The following MTUS1 variants were observed in gnomAD, a reference collection of about 807,000 sequenced individuals.
MTUS1 encodes microtubule-associated tumor suppressor 1.
A neutral mutation model predicts 120.8 loss-of-function variants in MTUS1; 109 were observed. The observed-to-expected ratio is 0.90, with a 90% CI of 0.77 to 1.06. MTUS1 has a LOEUF of 1.06. Ranked by LOEUF, MTUS1 falls within the 50% of genes least tolerant of loss-of-function variation. The pLI, the probability that MTUS1 is intolerant of heterozygous loss-of-function variation, is 0.00. For missense variants in MTUS1, 2,210 were observed against 1,486.3 expected, an observed-to-expected ratio of 1.49 and a Z score of -8.01; for synonymous variants, 737 against 550.5, an observed-to-expected ratio of 1.34 and a Z score of -4.74.
At chr8:17,731,970 T>G (rs763530408) in intron 3 of MTUS1, among the ~76,000 whole-genome samples, 2 of 152,222 alleles carry the variant, frequency 1.3e-5, no homozygotes, top group Non-Finnish European at 2.9e-5. Context: ...AGATCTGGTC[T>G]GTACCCATCA....
At chr8:17,749,810 A>G (rs2048050227) in intron 2 of MTUS1, among the ~76,000 whole-genome samples, 1 of 152,078 alleles carries the variant, frequency 6.6e-6, no homozygotes. Context: ...TGTCTCCCTA[A>G]AATGTGTAAA....
chr8:17,711,638 A>G (rs1026095121), intron 6 of MTUS1, among the ~76,000 whole-genome samples: 2 of 152,182 alleles, frequency 1.3e-5, no homozygotes, highest in African/African-American at 2.4e-5. Context: ...TGTTCACTAG[A>G]GGAGCACTTT....
intron 14 of MTUS1, 115 bp from the exon 15 acceptor site, chr8:17,646,254 G>T: frequency 8.7e-7 from 1 of 1,153,544 alleles, no homozygotes; most frequent in Non-Finnish European, 1.2e-6. Flanking sequence ...GGATAAAACA[G>T]AATCCTGCAC....
Position 17,771,683 on chromosome 8 carries a change from C to T in MTUS1, c.-154-15722G>A, listed in dbSNP as rs367836581. Among the ~76,000 whole-genome samples the T allele has an allele frequency of 5.9e-5, 9 of 152,338 alleles. No individual in the cohort carries two copies. The East Asian group carries it at 1.5e-3, about 26-fold the overall frequency. ...GGCAGTCTACGCATGAAAACAAACC[C>T]TATGATAGATTCTCTTGAAATTAAA... On this transcript the variant is annotated intron_variant, in intron 1 of 14. Coordinates refer to ENST00000693296, the MANE Select transcript of MTUS1 (RefSeq NM_001363059.2).
chr8:17,696,350 G>A (rs1449903158), intron 6 of MTUS1, among the ~76,000 whole-genome samples: 1 of 152,102 alleles, frequency 6.6e-6, no homozygotes, highest in Non-Finnish European at 1.5e-5. Flanking sequence ...ACCAGGGACA[G>A]AGATGAGCCA....
intron 4 of MTUS1, among the ~76,000 whole-genome samples, chr8:17,720,022 A>G (rs1254554648): frequency 6.6e-6 from 1 of 152,126 alleles, no homozygotes; most frequent in African/African-American, 2.4e-5. Flanking sequence ...AAAGACAAAG[A>G]TAGTCCAACT....
intron 1 of MTUS1, among the ~76,000 whole-genome samples, chr8:17,780,528 C>A (rs2050794688): frequency 6.6e-6 from 1 of 152,264 alleles, no homozygotes; most frequent in African/African-American, 2.4e-5. Flanking sequence ...CATGAATATA[C>A]CTCAAGCCAA....
intron 8 of MTUS1, among the ~76,000 whole-genome samples, chr8:17,666,726 G>A (rs977624848): frequency 1.3e-5 from 2 of 152,218 alleles, no homozygotes; most frequent in East Asian, 1.9e-4. Context: ...TAGGGCCAGA[G>A]GTCAGGAAGA....
intron 3 of MTUS1, among the ~76,000 whole-genome samples, chr8:17,741,599 C>T (rs1169950653): frequency 6.6e-6 from 1 of 152,188 alleles, no homozygotes; most frequent in African/African-American, 2.4e-5. Flanking sequence ...ACACATTATG[C>T]AACACAGAGT....
chr8:17,731,941 G>A (rs927937159), intron 3 of MTUS1, among the ~76,000 whole-genome samples: 9 of 152,152 alleles, frequency 5.9e-5, no homozygotes, highest in African/African-American at 2.2e-4. Context: ...AACCTTTCAT[G>A]CCAGTAGGGG....
chr8:17,775,954 G>A (rs753738771), intron 1 of MTUS1, among the ~76,000 whole-genome samples: 15 of 152,190 alleles, frequency 9.9e-5, no homozygotes, highest in South Asian at 2.1e-4. Flanking sequence ...CATCAGCGCC[G>A]GTCCCATCTG....
At chr8:17,789,693 T>C (rs1249068163) in intron 1 of MTUS1, among the ~76,000 whole-genome samples, 1 of 152,202 alleles carries the variant, frequency 6.6e-6, no homozygotes, top group African/African-American at 2.4e-5. Context: ...AATGATTACC[T>C]ATGTTAGGCT....
At chr8:17,647,502 G>T (rs1335005220) in intron 13 of MTUS1, among the ~76,000 whole-genome samples, 1 of 152,002 alleles carries the variant, frequency 6.6e-6, no homozygotes, top group Non-Finnish European at 1.5e-5. Context: ...AAACTCACAG[G>T]CCAGCAATTC....
In MTUS1 at chr8:17,778,554, C is replaced by T. The variant is rs527655436; in HGVS notation, c.-155+22507G>A. On this transcript the variant is annotated intron_variant, in intron 1 of 14. Transcript: ENST00000693296. ...AGAGGAGGGCAGGTGTGGTGGCTCACGCCTGTAATCCCAGCACTTTGGAGG... is the reference window on the plus strand; with the variant it reads ...AGAGGAGGGCAGGTGTGGTGGCTCATGCCTGTAATCCCAGCACTTTGGAGG... Among the ~76,000 whole-genome samples the T allele has an allele frequency of 1.1e-3, 170 of 152,192 alleles. 3 individuals are homozygous for T. The South Asian group carries it at 0.032, about 29-fold the overall frequency.
chr8:17,704,302 CCTGT>C (rs893289785), intron 6 of MTUS1: 6 of 152,290 alleles, frequency 3.9e-5, no homozygotes, highest in Admixed American at 3.9e-4. Flanking sequence ...TGTACTCCAA[CCTGT>C]CTATTTTTGC....
At chr8:17,750,939 C>G (rs1563319277) in intron 2 of MTUS1, among the ~76,000 whole-genome samples, 1 of 152,202 alleles carries the variant, frequency 6.6e-6, no homozygotes, top group South Asian at 2.1e-4. Flanking sequence ...CCCTGACCAC[C>G]AATGAGCTGT....
chr8:17,681,113 T>C (rs1316745123), intron 7 of MTUS1, among the ~76,000 whole-genome samples: 1 of 152,102 alleles, frequency 6.6e-6, no homozygotes, highest in Non-Finnish European at 1.5e-5. Flanking sequence ...TTTGTAGTTT[T>C]AGGGGAGATG....
intron 4 of MTUS1, chr8:17,722,632 AT>A: frequency 1.1e-6 from 1 of 887,584 alleles, no homozygotes; most frequent in Non-Finnish European, 1.3e-6. Flanking sequence ...TAATTCGGTC[AT>A]TAATTCAATG....
chr8:17,743,094 TTTAAAA>T (rs1416538087), intron 3 of MTUS1, among the ~76,000 whole-genome samples: 1 of 151,958 alleles, frequency 6.6e-6, no homozygotes, highest in Non-Finnish European at 1.5e-5. Context: ...CTAACATGAC[TTTAAAA>T]TTACAAATTG....
Sources: allele counts gnomAD v4.1 joint callset (sites outside exome capture counted in the v4.1 genomes callset), GRCh38; gene constraint gnomAD v4.1.1; transcripts MANE v1.5; gene names NCBI Gene and HGNC (gene_info 2026-07-23, HGNC 2026-07-21).